The following MTCL1 variants were observed in gnomAD, a reference collection of about 807,000 sequenced individuals.
MTCL1 encodes microtubule cross-linking factor 1.
In MTCL1, 79 loss-of-function variants were observed where a neutral mutation model predicts 141.4. The ratio of observed to expected loss-of-function variants is 0.56; its 90% CI spans 0.47 to 0.67. The LOEUF is 0.67. Ranked by LOEUF, MTCL1 falls within the 30% of genes least tolerant of loss-of-function variation. The pLI, the probability that MTCL1 is intolerant of heterozygous loss-of-function variation, is 0.00. For missense variants in MTCL1, 2,177 were observed against 2,113.9 expected (o/e 1.03, Z -0.59); for synonymous variants, 914 against 875.8 (o/e 1.04, Z -0.77).
At chr18:8,744,886 C>T (rs1424376421) in intron 4 of MTCL1, among the ~76,000 whole-genome samples, 1 of 152,228 alleles carries the variant, frequency 6.6e-6, no homozygotes, top group East Asian at 1.9e-4. Context: ...TTCCCTGGCT[C>T]TGACGACTAG....
At chr18:8,782,674 G>A (rs971089240) in intron 5 of MTCL1, 1 of 152,160 alleles carries the variant, frequency 6.6e-6, no homozygotes, top group East Asian at 1.9e-4. Flanking sequence ...TGGGTCTCTG[G>A]GTTTAATTTC....
At chr18:8,726,474 A>G (rs1323155710) in intron 4 of MTCL1, among the ~76,000 whole-genome samples, 37 of 103,298 alleles carry the variant, frequency 3.6e-4, no homozygotes, top group African/African-American at 1.4e-3. Context: ...GAATAAGAGG[A>G]GAGAGAGAGA....
At chr18:8,784,334 C>A in exon 6 of MTCL1, 3 of 1,548,044 alleles carry the variant, frequency 1.9e-6, no homozygotes, top group Middle Eastern at 1.7e-4. Context: ...CCAGCCCAAG[C>A]GGGAAGGGCC....
chr18:8,722,461 A>T (rs186026876), intron 4 of MTCL1, among the ~76,000 whole-genome samples: 1 of 152,238 alleles, frequency 6.6e-6, no homozygotes, highest in Non-Finnish European at 1.5e-5. Flanking sequence ...ATAATAGCCT[A>T]CTGTAGACTG....
intron 4 of MTCL1, among the ~76,000 whole-genome samples, chr18:8,743,587 C>T (rs184553053): frequency 2.0e-5 from 3 of 152,368 alleles, no homozygotes. Context: ...CATTTTCTTG[C>T]TCATTCCAGC....
exon 2 of MTCL1, chr18:8,717,913 G>C (rs2096140288): frequency 1.0e-6 from 1 of 993,938 alleles, no homozygotes; most frequent in African/African-American, 1.7e-5. Context: ...GCGTCGCTTA[G>C]TCAATGCTGA....
intron 4 of MTCL1, among the ~76,000 whole-genome samples, chr18:8,739,608 A>G (rs1231296743): frequency 3.3e-5 from 5 of 152,238 alleles, no homozygotes; most frequent in Non-Finnish European, 7.3e-5. Context: ...GAACACTGTG[A>G]AACAGCACTG....
chr18:8,768,541 T>C (rs1398512525), intron 4 of MTCL1, among the ~76,000 whole-genome samples: 1 of 152,218 alleles, frequency 6.6e-6, no homozygotes, highest in Non-Finnish European at 1.5e-5. Context: ...TATGTGCTCT[T>C]TGACAGTTAA....
chr18:8,827,619 T>C (rs2077066878), intron 15 of MTCL1, among the ~76,000 whole-genome samples: 1 of 152,212 alleles, frequency 6.6e-6, no homozygotes, highest in Non-Finnish European at 1.5e-5. Context: ...AGGTAAGTCC[T>C]CCTGCCGTGG....
intron 4 of MTCL1, among the ~76,000 whole-genome samples, chr18:8,731,175 TCAGAG>T (rs2096248607): frequency 6.7e-6 from 1 of 150,272 alleles, no homozygotes. Context: ...AACCCGGGAG[TCAGAG>T]CTTGCAGTGA....
chr18:8,821,003 C>T (rs1300139603), intron 13 of MTCL1, among the ~76,000 whole-genome samples: 4 of 152,226 alleles, frequency 2.6e-5, no homozygotes, highest in South Asian at 2.1e-4. Context: ...AAGGATGTCA[C>T]GCCAACTTCT....
intron 4 of MTCL1, among the ~76,000 whole-genome samples, chr18:8,726,698 A>G (rs1235075897): frequency 1.3e-5 from 2 of 152,098 alleles, no homozygotes; most frequent in Non-Finnish European, 2.9e-5. Context: ...AGTCCATAAT[A>G]AGGGGGAGAG....
intron 4 of MTCL1, among the ~76,000 whole-genome samples, chr18:8,740,926 T>C (rs1383171415): frequency 6.6e-6 from 1 of 152,198 alleles, no homozygotes; most frequent in Non-Finnish European, 1.5e-5. Context: ...CCCTTACATT[T>C]GTTGAGTTGA....
intron 1 of MTCL1, among the ~76,000 whole-genome samples, chr18:8,710,530 T>A (rs959797897): frequency 6.6e-6 from 1 of 150,832 alleles, no homozygotes; most frequent in African/African-American, 2.4e-5. Context: ...AATTACAGCC[T>A]TAATAGAAAC....
At chr18:8,760,451 C>G (rs970124396) in intron 4 of MTCL1, among the ~76,000 whole-genome samples, 2 of 152,234 alleles carry the variant, frequency 1.3e-5, no homozygotes, top group Non-Finnish European at 2.9e-5. Context: ...CTGACATTCT[C>G]TAGGGCAGTG....
exon 15 of MTCL1, chr18:8,826,064 A>G: frequency 1.2e-6 from 2 of 1,611,696 alleles, no homozygotes; most frequent in South Asian, 1.1e-5. Flanking sequence ...AGCAGGACTT[A>G]TCTGCTCCCC....
intron 7 of MTCL1, among the ~76,000 whole-genome samples, chr18:8,789,986 G>C (rs2075663917): frequency 6.6e-6 from 1 of 152,170 alleles, no homozygotes; most frequent in Admixed American, 6.5e-5. Context: ...TTTTAATATT[G>C]CATTAGCAAA....
intron 4 of MTCL1, among the ~76,000 whole-genome samples, chr18:8,753,818 G>A (rs1029029541): frequency 6.6e-6 from 1 of 152,160 alleles, no homozygotes; most frequent in South Asian, 2.1e-4. Flanking sequence ...AGCAAGCTGT[G>A]TAGGAGTGTA....
chr18:8,791,029 CAAA>C (rs1432259592), intron 7 of MTCL1, among the ~76,000 whole-genome samples: 23 of 152,080 alleles, frequency 1.5e-4, no homozygotes, highest in African/African-American at 5.3e-4. Context: ...AACAAGCAAA[CAAA>C]GAACTGAGAA....
Sources: gnomAD v4.1 joint callset for allele counts (sites outside exome capture counted in the v4.1 genomes callset) on GRCh38, gnomAD v4.1.1 for gene constraint, MANE v1.5 for transcripts, NCBI Gene and HGNC (gene_info 2026-07-23, HGNC 2026-07-21) for gene names.